The following STAG1 variants were observed in gnomAD, a reference collection of about 807,000 sequenced individuals.
The protein encoded by STAG1 is STAG1 cohesin complex component.
In STAG1, 26 loss-of-function variants were observed where a neutral mutation model predicts 170.9. The observed-to-expected ratio is 0.15, with a 90% CI of 0.11 to 0.21. The LOEUF (loss-of-function observed/expected upper bound fraction) is 0.21. Among genes scored for constraint, STAG1 ranks in the 10% least tolerant of loss-of-function variants. The probability of loss-of-function intolerance (pLI) is 1.00; values close to 1 mark genes in which losing one functional copy is unlikely to be tolerated. For missense variants in STAG1, 964 were observed against 1,509.5 expected (o/e 0.64, Z 5.99); for synonymous variants, 514 against 497.7 (o/e 1.03, Z -0.44).
chr3:136,411,484 CAATA>C, intron 21 of STAG1, among the ~76,000 whole-genome samples: 1 of 152,210 alleles, frequency 6.6e-6, no homozygotes, highest in South Asian at 2.1e-4. Flanking sequence ...AGAGATATTA[CAATA>C]AATTCTGAAA....
intron 23 of STAG1, among the ~76,000 whole-genome samples, chr3:136,371,081 G>A (rs1287486683): frequency 1.3e-5 from 2 of 152,020 alleles, no homozygotes; most frequent in Non-Finnish European, 2.9e-5. Flanking sequence ...TCTCATTGTG[G>A]TTTTGATTTG....
At chr3:136,590,869 G>A (rs1022241485) in intron 4 of STAG1, among the ~76,000 whole-genome samples, 3 of 152,012 alleles carry the variant, frequency 2.0e-5, no homozygotes, top group Non-Finnish European at 2.9e-5. Context: ...GTTCACTGAT[G>A]GACGTAAATA....
chr3:136,565,764 G>T (rs1937054180), intron 5 of STAG1, among the ~76,000 whole-genome samples: 1 of 152,112 alleles, frequency 6.6e-6, no homozygotes, highest in Admixed American at 6.5e-5. Flanking sequence ...ATAGTCAAAA[G>T]GTGGAAACAA....
chr3:136,546,170 C>G (rs1483987987), intron 5 of STAG1, among the ~76,000 whole-genome samples: 1 of 152,126 alleles, frequency 6.6e-6, no homozygotes, highest in African/African-American at 2.4e-5. Flanking sequence ...TTCACCATAT[C>G]TTCAAGAACT....
chr3:136,478,752 A>C (rs1189105233), intron 9 of STAG1, among the ~76,000 whole-genome samples: 2 of 152,182 alleles, frequency 1.3e-5, no homozygotes, highest in Non-Finnish European at 2.9e-5. Context: ...TGCCAATTAC[A>C]ACCTTTAGTT....
At chr3:136,675,566 C>A (rs1559944297) in intron 1 of STAG1, among the ~76,000 whole-genome samples, 1 of 152,146 alleles carries the variant, frequency 6.6e-6, no homozygotes, top group Non-Finnish European at 1.5e-5. Flanking sequence ...AATTCACGTG[C>A]TATAAAATTC....
chr3:136,642,451 T>C (rs1358405374), intron 1 of STAG1, among the ~76,000 whole-genome samples: 3 of 151,810 alleles, frequency 2.0e-5, no homozygotes, highest in African/African-American at 7.3e-5. Flanking sequence ...TTTATATTTT[T>C]AGTGGAGACG....
intron 6 of STAG1, among the ~76,000 whole-genome samples, chr3:136,524,628 C>A (rs1367133827): frequency 6.6e-6 from 1 of 152,184 alleles, no homozygotes; most frequent in African/African-American, 2.4e-5. Flanking sequence ...ACTTCCAACA[C>A]TATGTTGAAT....
At chr3:136,541,974 T>C (rs1286370561) in intron 6 of STAG1, 145 bp downstream of exon 6, 3 of 622,892 alleles carry the variant, frequency 4.8e-6, no homozygotes, top group East Asian at 5.8e-5. Context: ...AATTTTGGAA[T>C]TAGTACCACA....
chr3:136,446,476 G>A (rs2088781125), intron 14 of STAG1, among the ~76,000 whole-genome samples: 2 of 151,940 alleles, frequency 1.3e-5, no homozygotes, highest in Admixed American at 6.6e-5. Context: ...AGCCTGGAAT[G>A]CTACGGCATG....
intron 4 of STAG1, among the ~76,000 whole-genome samples, chr3:136,578,965 A>T (rs1937536625): frequency 6.6e-6 from 1 of 152,226 alleles, no homozygotes; most frequent in Non-Finnish European, 1.5e-5. Context: ...CCCTACCAAG[A>T]TAATAAACTA....
intron 1 of STAG1, among the ~76,000 whole-genome samples, chr3:136,650,485 T>C (rs919317448): frequency 1.3e-5 from 2 of 152,194 alleles, no homozygotes; most frequent in African/African-American, 4.8e-5. Context: ...AAACGAAAGA[T>C]TTTTAAAATC....
chr3:136,690,087 A>G (rs1942673420), intron 1 of STAG1, among the ~76,000 whole-genome samples: 1 of 151,580 alleles, frequency 6.6e-6, no homozygotes, highest in Non-Finnish European at 1.5e-5. Flanking sequence ...AAAGTAAAGA[A>G]AAGAGAGAAA....
chr3:136,671,623 G>A (rs990466890), intron 1 of STAG1, among the ~76,000 whole-genome samples: 69 of 152,232 alleles, frequency 4.5e-4, no homozygotes, highest in African/African-American at 1.6e-3. Context: ...GGGACCTGGT[G>A]CAGTGGCACA....
chr3:136,357,035 C>A (rs1214926523), intron 28 of STAG1, among the ~76,000 whole-genome samples: 1 of 152,026 alleles, frequency 6.6e-6, no homozygotes, highest in Non-Finnish European at 1.5e-5. Context: ...GCAAGCTCCG[C>A]CTCCCAGGTT....
At chr3:136,592,201 C>T (rs1337295174) in intron 4 of STAG1, among the ~76,000 whole-genome samples, 1 of 152,180 alleles carries the variant, frequency 6.6e-6, no homozygotes, top group Non-Finnish European at 1.5e-5. Flanking sequence ...TTGGCTATGT[C>T]TCTACCCAAA....
At chr3:136,354,010 C>G (rs892728651) in intron 28 of STAG1, among the ~76,000 whole-genome samples, 1 of 151,934 alleles carries the variant, frequency 6.6e-6, no homozygotes, top group South Asian at 2.1e-4. Flanking sequence ...AGGAATGATA[C>G]CAGATGGCAA....
chr3:136,370,149 GA>G (rs1937252371), intron 23 of STAG1, among the ~76,000 whole-genome samples: 1 of 151,764 alleles, frequency 6.6e-6, no homozygotes, highest in Non-Finnish European at 1.5e-5. Flanking sequence ...TCCTACTTAT[GA>G]AAAAAATTAA....
rs780459415 is a variant in STAG1, at chr3:136,343,840, A to T, written c.3438T>A (p.Phe1146Leu). The T allele has an allele frequency of 6.5e-7, 1 of 1,541,618 alleles. No homozygotes were observed. Among genetic ancestry groups the T allele is most frequent in the Non-Finnish European group, 8.7e-7 (1 of 1,146,288 alleles). Residue 1146 changes from phenylalanine (F) to leucine (L), a missense_variant, in exon 30 of 34, where the codon TTT becomes TTA. Physicochemically the swap from Phe to Leu is conservative, Grantham distance 22 (BLOSUM62 0). This residue lies in a region of STAG1 where 122 missense variants were observed against 129.0 expected (regional missense o/e 0.95). Coordinates refer to ENST00000383202, the MANE Select transcript of STAG1 (RefSeq NM_005862.3). The part of the protein sequence containing the change: ...PESEHGSEPD[F>L]LHNPQMQISW... ...AAATTTTTGCTACTTACTTGTGTAA[A>T]AAGTCTGGTTCAGAACCATGTTCAG...
Sources: allele counts gnomAD v4.1 joint callset (sites outside exome capture counted in the v4.1 genomes callset), GRCh38; gene constraint gnomAD v4.1.1; regional missense constraint gnomAD v4.1.1; transcripts MANE v1.5; gene names NCBI Gene and HGNC (gene_info 2026-07-23, HGNC 2026-07-21).